The following PDE1A variants were observed in gnomAD, a reference collection of about 807,000 sequenced individuals.
PDE1A encodes dual specificity calcium/calmodulin-dependent 3',5'-cyclic nucleotide phosphodiesterase 1A.
PDE1A carries 35 observed loss-of-function variants against 61.7 expected under a neutral mutation model. The ratio of observed to expected loss-of-function variants is 0.57; its 90% CI spans 0.43 to 0.75. The LOEUF (loss-of-function observed/expected upper bound fraction) is 0.75, where lower values mean the gene tolerates loss of function less well. Among genes scored for constraint, PDE1A ranks in the 30% least tolerant of loss-of-function variants. PDE1A has a pLI of 0.00. For missense variants in PDE1A, 597 were observed against 630.6 expected, an observed-to-expected ratio of 0.95 and a Z score of 0.57; for synonymous variants, 232 against 213.2, an observed-to-expected ratio of 1.09 and a Z score of -0.77.
the PDE1A span, among the ~76,000 whole-genome samples, chr2:182,561,573 T>C: frequency 6.6e-6 from 1 of 152,176 alleles, no homozygotes; most frequent in Non-Finnish European, 1.5e-5. Context: ...TTTAAAGTAG[T>C]TTTTTCCAAT....
chr2:182,200,969 G>T (rs574339312), intron 10 of PDE1A, among the ~76,000 whole-genome samples: 72 of 152,166 alleles, frequency 4.7e-4, no homozygotes, highest in Non-Finnish European at 9.7e-4. Context: ...GCTTGTTTCT[G>T]ACGTAACATT....
the PDE1A span, among the ~76,000 whole-genome samples, chr2:182,704,488 C>T: frequency 6.6e-6 from 1 of 152,070 alleles, no homozygotes; most frequent in Non-Finnish European, 1.5e-5. Flanking sequence ...ATATACGATT[C>T]TTGGGAGAGG....
chr2:182,607,586 G>T, the PDE1A span, among the ~76,000 whole-genome samples: 1 of 152,136 alleles, frequency 6.6e-6, no homozygotes, highest in Non-Finnish European at 1.5e-5. Flanking sequence ...AATGAATACT[G>T]TATTTTCCAT....
At chr2:182,385,659 GAAGAAAAAAAGAAAGA>G (rs1559403622) in intron 1 of PDE1A, among the ~76,000 whole-genome samples, 71 of 94,946 alleles carry the variant, frequency 7.5e-4, no homozygotes, top group East Asian at 1.8e-3. Context: ...AAGAAAGAAA[GAAGAAAAAAAGAAAGA>G]AAAGAAAGAA....
At chr2:182,284,621 G>T (rs1341665795) in intron 1 of PDE1A, among the ~76,000 whole-genome samples, 1 of 151,950 alleles carries the variant, frequency 6.6e-6, no homozygotes. Flanking sequence ...TGATTCAGAA[G>T]AAAATAATCA....
the PDE1A span, among the ~76,000 whole-genome samples, chr2:182,560,576 C>A: frequency 6.6e-6 from 1 of 151,878 alleles, no homozygotes; most frequent in African/African-American, 2.4e-5. Flanking sequence ...TGGGTATATA[C>A]CCAGTAATGG....
At chr2:182,293,554 A>C (rs1436600752) in intron 1 of PDE1A, among the ~76,000 whole-genome samples, 1 of 152,120 alleles carries the variant, frequency 6.6e-6, no homozygotes, top group Non-Finnish European at 1.5e-5. Flanking sequence ...CACGTACATC[A>C]TGATAGTATG....
chr2:182,414,664 C>T (rs1042569442), intron 1 of PDE1A, among the ~76,000 whole-genome samples: 2 of 151,934 alleles, frequency 1.3e-5, no homozygotes, highest in Non-Finnish European at 2.9e-5. Flanking sequence ...GTTATCTAGA[C>T]ATCTAAATGA....
At chr2:182,588,809 C>T in the PDE1A span, among the ~76,000 whole-genome samples, 1 of 151,974 alleles carries the variant, frequency 6.6e-6, no homozygotes, top group Admixed American at 6.6e-5. Context: ...TTTGGGAGGC[C>T]GAGGCAGGCG....
At chr2:182,173,224 G>A (rs1198100518) in intron 13 of PDE1A, among the ~76,000 whole-genome samples, 1 of 152,018 alleles carries the variant, frequency 6.6e-6, no homozygotes, top group Non-Finnish European at 1.5e-5. Context: ...TGGAGAAAGG[G>A]CATGTTGAAC....
intron 13 of PDE1A, 49 bp from the exon 14 acceptor site, chr2:182,147,201 GA>G: frequency 9.1e-7 from 1 of 1,099,008 alleles, no homozygotes; most frequent in Non-Finnish European, 1.4e-6. Context: ...TAAGGCTTTG[GA>G]AAAAACTAAT....
chr2:182,712,393 T>C, the PDE1A span, among the ~76,000 whole-genome samples: 1 of 152,156 alleles, frequency 6.6e-6, no homozygotes, highest in Non-Finnish European at 1.5e-5. Flanking sequence ...ATTTTGATGA[T>C]TGTGTTTTGG....
the PDE1A span, among the ~76,000 whole-genome samples, chr2:182,595,204 G>A: frequency 1.3e-5 from 2 of 152,064 alleles, no homozygotes; most frequent in Admixed American, 6.6e-5. Flanking sequence ...TTCTGCAATT[G>A]AGGAAGAAAA....
intron 1 of PDE1A, among the ~76,000 whole-genome samples, chr2:182,365,355 T>G (rs1235106770): frequency 6.6e-6 from 1 of 152,076 alleles, no homozygotes; most frequent in Non-Finnish European, 1.5e-5. Context: ...TGTTTTCTCC[T>G]GTTTTCATGA....
the PDE1A span, among the ~76,000 whole-genome samples, chr2:182,617,226 A>G: frequency 2.0e-5 from 3 of 152,216 alleles, no homozygotes; most frequent in African/African-American, 7.2e-5. Flanking sequence ...AAAATCAGCC[A>G]TATGAGTGGT....
the PDE1A span, among the ~76,000 whole-genome samples, chr2:182,655,995 T>C: frequency 0.15 from 22,807 of 152,280 alleles, 2,211 homozygotes; most frequent in African/African-American, 0.28. Context: ...TCCTGATTGA[T>C]GGTTGGCTGA....
intron 2 of PDE1A, among the ~76,000 whole-genome samples, chr2:182,466,028 T>C (rs1223121206): frequency 6.6e-6 from 1 of 151,958 alleles, no homozygotes; most frequent in Non-Finnish European, 1.5e-5. Context: ...TTTTAAGGTG[T>C]TGCCTACACT....
intron 1 of PDE1A, among the ~76,000 whole-genome samples, chr2:182,306,431 T>A (rs1479372082): frequency 6.6e-6 from 1 of 152,000 alleles, no homozygotes. Context: ...TATCCCCATG[T>A]CATTTTTCAC....
chr2:182,510,649 T>C (rs1289751252), intron 2 of PDE1A, among the ~76,000 whole-genome samples: 1 of 152,192 alleles, frequency 6.6e-6, no homozygotes, highest in Non-Finnish European at 1.5e-5. Flanking sequence ...AAGAATAATT[T>C]TCAAGCCAGA....
Sources: allele counts gnomAD v4.1 joint callset (sites outside exome capture counted in the v4.1 genomes callset), GRCh38; gene constraint gnomAD v4.1.1; transcripts MANE v1.5; gene names NCBI Gene and HGNC (gene_info 2026-07-23, HGNC 2026-07-21).